Variants in FILIP1 observed in about 807,000 individuals in gnomAD.
FILIP1 encodes filamin-A-interacting protein 1.
FILIP1 carries 61 observed loss-of-function variants against 102.1 expected under a neutral mutation model. The ratio of observed to expected loss-of-function variants is 0.60; its 90% CI spans 0.49 to 0.74. The LOEUF (loss-of-function observed/expected upper bound fraction) is 0.74. FILIP1 is among the 30% of genes least tolerant of loss of function. The pLI is 0.00. For synonymous variants in FILIP1, 491 were observed against 526.9 expected, an observed-to-expected ratio of 0.93 and a Z score of 0.93; for missense variants, 1,314 against 1,441.2, an observed-to-expected ratio of 0.91 and a Z score of 1.43.
At chr6:75,307,154 C>T (rs529632619), downstream of FILIP1, among the ~76,000 whole-genome samples, 11 of 152,170 alleles carry the variant, frequency 7.2e-5, no homozygotes, top group African/African-American at 2.6e-4. Flanking sequence ...TAGGCAACAG[C>T]GATCTGATTA....
chr6:75,441,437 C>T (rs964897846), intron 1 of FILIP1, among the ~76,000 whole-genome samples: 1 of 152,206 alleles, frequency 6.6e-6, no homozygotes. Flanking sequence ...ACCTTTCCCC[C>T]CCTTCTATTC....
chr6:75,296,505 A>ATTATT (rs1772683953), intron 6 of FILIP1: 1 of 146,322 alleles, frequency 6.8e-6, no homozygotes, highest in African/African-American at 2.5e-5. Flanking sequence ...TATTATTATT[A>ATTATT]TTATTATTAT....
intron 4 of FILIP1, among the ~76,000 whole-genome samples, chr6:75,350,736 A>G (rs1774768604): frequency 6.6e-6 from 1 of 152,222 alleles, no homozygotes; most frequent in South Asian, 2.1e-4. Context: ...TATTAAACCA[A>G]TGACTCTGTA....
chr6:75,396,566 T>C (rs1054370287), intron 2 of FILIP1, among the ~76,000 whole-genome samples: 1 of 152,118 alleles, frequency 6.6e-6, no homozygotes, highest in Non-Finnish European at 1.5e-5. Flanking sequence ...TGATGGTAGA[T>C]AATAAATAAG....
At chr6:75,468,748 T>G (rs971611172) in intron 1 of FILIP1, among the ~76,000 whole-genome samples, 13 of 152,178 alleles carry the variant, frequency 8.5e-5, no homozygotes, top group Admixed American at 2.0e-4. Flanking sequence ...AACCAAGTTC[T>G]GAGTAAGATA....
intron 2 of FILIP1, among the ~76,000 whole-genome samples, chr6:75,382,642 A>T (rs1010167802): frequency 2.0e-5 from 3 of 152,224 alleles, no homozygotes; most frequent in African/African-American, 7.2e-5. Context: ...ATATCAAGTA[A>T]CAGAAAGTGA....
chr6:75,370,569 C>CTTTTTTT lies in FILIP1; in HGVS notation c.277-7659_277-7653dup, dbSNP rs61384517. 1.1e-3 allele frequency among the ~76,000 whole-genome samples: 81 copies of CTTTTTTT among 75,720 alleles called. 2 individuals carry two copies. Among genetic ancestry groups the CTTTTTTT allele is most frequent in the African/African-American group, 3.2e-3 (55 of 17,204 alleles). The allele number at this position is 75,720 out of a possible 152,430, so 49.7% of individuals were successfully genotyped here. The stretch of plus-strand genomic sequence containing the variant: ...TTTGTCTGTAATTTGGGAGTCTCTT[C>CTTTTTTT]TTTTTTTTTTTTTTTTTTTTTTTTG... On this transcript the variant is annotated intron_variant, in intron 2 of 5. Coordinates refer to ENST00000237172, the MANE Select transcript of FILIP1 (RefSeq NM_015687.5).
chr6:75,308,388 A>G lies in FILIP1; in HGVS notation c.*303T>C. The G allele has an allele frequency of 8.9e-7, 1 of 1,119,500 alleles. No individual in the cohort carries two copies. The highest frequency in any genetic ancestry group is 2.4e-5 in the South Asian group (1 of 41,578). The allele number at this position is 1,119,500 out of a possible 1,614,324, so 69.3% of individuals were successfully genotyped here. ...GAAGAGCGTGTGATTGAGTCCCCAC[A>G]TCTAACTGATGAGGAAACAGGCTCA... is the stretch of plus-strand genomic sequence containing the variant. On this transcript the variant is annotated 3_prime_UTR_variant, in exon 6 of 6. Coordinates refer to ENST00000237172, the MANE Select transcript of FILIP1 (RefSeq NM_015687.5).
At chr6:75,293,090 C>A (rs1250568358) in exon 7 of FILIP1, 1 of 152,146 alleles carries the variant, frequency 6.6e-6, no homozygotes. Context: ...GAGAAAAGAT[C>A]TCTACCAAAG....
rs534008369 is a variant in FILIP1, at chr6:75,387,232, C to T, written c.277-24315G>A. On this transcript the variant is annotated intron_variant, in intron 2 of 5. Coordinates refer to ENST00000237172, the MANE Select transcript of FILIP1 (RefSeq NM_015687.5). ...TTTATGGCTGCATAGTATTCCATGG[C>T]GTATATGTGCCACACTTTCTTTTTC... 1.8e-3 allele frequency among the ~76,000 whole-genome samples: 275 copies of T among 152,126 alleles called. 1 individual carries two copies. Among genetic ancestry groups the T allele is most frequent in the Middle Eastern group, 3.4e-3 (1 of 294 alleles).
chr6:75,413,392 CA>C (rs1172503996), intron 2 of FILIP1, among the ~76,000 whole-genome samples: 1 of 152,176 alleles, frequency 6.6e-6, no homozygotes. Flanking sequence ...TTTTTAGTAA[CA>C]GTGGCTGCTC....
chr6:75,312,097 G>A (rs1318157822), intron 5 of FILIP1, among the ~76,000 whole-genome samples: 3 of 152,086 alleles, frequency 2.0e-5, no homozygotes, highest in Non-Finnish European at 4.4e-5. Flanking sequence ...CAAATTTTAA[G>A]CCTTCTGATT....
At chr6:75,433,962 T>C (rs1233062774) in intron 1 of FILIP1, among the ~76,000 whole-genome samples, 1 of 152,238 alleles carries the variant, frequency 6.6e-6, no homozygotes, top group East Asian at 1.9e-4. Context: ...TCCCCATTTC[T>C]TGTTTTTGTC....
At chr6:75,353,086 T>G (rs187825427) in intron 4 of FILIP1, among the ~76,000 whole-genome samples, 3,767 of 151,010 alleles carry the variant, frequency 0.025, 176 homozygotes, top group African/African-American at 0.087. Flanking sequence ...GGGATAGTAT[T>G]AGGAGATATA....
chr6:75,330,496 A>G (rs1774041172), intron 4 of FILIP1, among the ~76,000 whole-genome samples: 1 of 152,176 alleles, frequency 6.6e-6, no homozygotes, highest in Admixed American at 6.6e-5. Flanking sequence ...CCTATTTCAC[A>G]TAGTCCCACT....
intron 2 of FILIP1, among the ~76,000 whole-genome samples, chr6:75,372,860 G>A (rs935298761): frequency 6.6e-6 from 1 of 152,072 alleles, no homozygotes; most frequent in African/African-American, 2.4e-5. Context: ...TGCACTAGTG[G>A]TAGAAAAGTA....
At chr6:75,344,169 G>C (rs1312757950) in intron 4 of FILIP1, among the ~76,000 whole-genome samples, 1 of 152,022 alleles carries the variant, frequency 6.6e-6, no homozygotes, top group Non-Finnish European at 1.5e-5. Flanking sequence ...TTGTTTGTTT[G>C]TTGTTTGGTT....
At chr6:75,430,170 T>C (rs1208060877) in intron 1 of FILIP1, among the ~76,000 whole-genome samples, 2 of 152,156 alleles carry the variant, frequency 1.3e-5, no homozygotes. Flanking sequence ...TTCACTTCTC[T>C]CTCCTGCTGC....
intron 4 of FILIP1, among the ~76,000 whole-genome samples, chr6:75,345,524 C>G (rs117270309): frequency 2.8e-4 from 42 of 151,784 alleles, no homozygotes; most frequent in African/African-American, 9.9e-4. Context: ...GCCAGCCTCA[C>G]GTACAGTAAG....
Sources: allele counts gnomAD v4.1 joint callset (sites outside exome capture counted in the v4.1 genomes callset), GRCh38; gene constraint gnomAD v4.1.1; transcripts MANE v1.5; gene names NCBI Gene and HGNC (gene_info 2026-07-23, HGNC 2026-07-21).